Variants in ENKUR observed in about 807,000 individuals in gnomAD.
The protein encoded by ENKUR is enkurin.
Under a neutral mutation model 27.6 loss-of-function variants are expected in ENKUR, and 19 were observed. The observed-to-expected ratio is 0.69, with a 90% CI of 0.48 to 1.01. ENKUR has a LOEUF of 1.01. Ranked by LOEUF, ENKUR falls within the 50% of genes least tolerant of loss-of-function variation. The probability of loss-of-function intolerance (pLI) is 0.00; values close to 1 mark genes in which losing one functional copy is unlikely to be tolerated. For missense variants in ENKUR, 312 were observed against 310.5 expected, an observed-to-expected ratio of 1.00 and a Z score of -0.04; for synonymous variants, 117 against 96.9, an observed-to-expected ratio of 1.21 and a Z score of -1.22.
intron 2 of ENKUR, among the ~76,000 whole-genome samples, chr10:25,030,362 G>C (rs1009980236): frequency 5.9e-5 from 9 of 152,074 alleles, no homozygotes; most frequent in Non-Finnish European, 8.8e-5. Flanking sequence ...ATATTTTGCT[G>C]TGTATAGACT....
At chr10:25,017,357 A>G (rs925013335), upstream of ENKUR, among the ~76,000 whole-genome samples, 3 of 152,106 alleles carry the variant, frequency 2.0e-5, no homozygotes, top group African/African-American at 7.2e-5. Context: ...ACATTTTGGT[A>G]ATAGGATTTG....
At chr10:25,017,479 C>G (rs1366125718), upstream of ENKUR, among the ~76,000 whole-genome samples, 1 of 152,136 alleles carries the variant, frequency 6.6e-6, no homozygotes, top group Admixed American at 6.5e-5. Context: ...TTCTCACTGC[C>G]TGGTTGGCTG....
intron 2 of ENKUR, among the ~76,000 whole-genome samples, chr10:25,047,265 T>C (rs1422865301): frequency 2.0e-5 from 3 of 152,190 alleles, no homozygotes; most frequent in Non-Finnish European, 2.9e-5. Flanking sequence ...ATCAGGAGCG[T>C]GTGAGGCCAC....
chr10:24,991,894 G>A (rs1030750292), intron 3 of ENKUR, among the ~76,000 whole-genome samples: 2 of 152,140 alleles, frequency 1.3e-5, no homozygotes, highest in Non-Finnish European at 2.9e-5. Context: ...TGTAAACATC[G>A]ACCCATAGAC....
At chr10:25,042,043 T>A (rs1195900004) in intron 2 of ENKUR, among the ~76,000 whole-genome samples, 1 of 152,114 alleles carries the variant, frequency 6.6e-6, no homozygotes, top group Non-Finnish European at 1.5e-5. Flanking sequence ...TATATCAAGG[T>A]TAATTTTTCT....
chr10:25,024,861 A>G (rs201325912), intron 2 of ENKUR: 261 of 1,614,008 alleles, frequency 1.6e-4, no homozygotes, highest in Non-Finnish European at 2.2e-4. Flanking sequence ...TTATAAAAAC[A>G]GGACATTATG....
At chr10:24,986,624 G>C (rs1003554510) in intron 4 of ENKUR, among the ~76,000 whole-genome samples, 2 of 152,174 alleles carry the variant, frequency 1.3e-5, no homozygotes, top group Non-Finnish European at 2.9e-5. Flanking sequence ...CTAGTTGGGT[G>C]ATGTTTCCAT....
intron 2 of ENKUR, among the ~76,000 whole-genome samples, chr10:25,039,044 CA>C (rs1388853872): frequency 2.6e-5 from 4 of 152,284 alleles, no homozygotes; most frequent in East Asian, 3.9e-4. Flanking sequence ...GTCATTTTAG[CA>C]GAACATTGTT....
intron 2 of ENKUR, among the ~76,000 whole-genome samples, chr10:24,996,072 A>C (rs1850047322): frequency 6.6e-6 from 1 of 152,230 alleles, no homozygotes; most frequent in African/African-American, 2.4e-5. Context: ...CCTGTCAATC[A>C]GGCCTCAATA....
At position 24,983,111 on chromosome 10, in the gene ENKUR, A is replaced by C. The variant is rs571161486; in HGVS notation, c.*1259T>G. Reference sequence around the variant, plus strand: ...CAACAGAGTCACCAGACAAAAGGAGACTGGGTCCCTGAGTGACTGCATGGA... The same window carrying C: ...CAACAGAGTCACCAGACAAAAGGAGCCTGGGTCCCTGAGTGACTGCATGGA... On this transcript the variant is annotated 3_prime_UTR_variant, in exon 6 of 6. Coordinates refer to ENST00000331161, the MANE Select transcript of ENKUR (RefSeq NM_145010.4). 17 of 152,312 alleles carry C rather than the reference A, an allele frequency of 1.1e-4. No homozygotes were observed. The highest frequency in any genetic ancestry group is 3.9e-4 in the Admixed American group (6 of 15,292). The allele number at this position is 152,312 out of a possible 1,614,324, so 9.4% of individuals were successfully genotyped here.
chr10:25,039,518 T>C (rs1851039120), intron 2 of ENKUR, among the ~76,000 whole-genome samples: 1 of 152,298 alleles, frequency 6.6e-6, no homozygotes, highest in South Asian at 2.1e-4. Context: ...AGGTGGAGGT[T>C]GCAGTGAGCA....
chr10:25,055,739 G>T (rs188390188), intron 2 of ENKUR, among the ~76,000 whole-genome samples: 2 of 152,242 alleles, frequency 1.3e-5, no homozygotes, highest in African/African-American at 4.8e-5. Flanking sequence ...GTGAAGCTCC[G>T]TTGTGTATCT....
At chr10:25,045,429 G>A (rs1851111980) in intron 2 of ENKUR, among the ~76,000 whole-genome samples, 1 of 152,146 alleles carries the variant, frequency 6.6e-6, no homozygotes, top group Admixed American at 6.5e-5. Flanking sequence ...CTGTAGTAGT[G>A]AGAAAAATAA....
chr10:24,990,976 A>C (rs1397949376), intron 3 of ENKUR, among the ~76,000 whole-genome samples: 1 of 152,194 alleles, frequency 6.6e-6, no homozygotes, highest in Non-Finnish European at 1.5e-5. Flanking sequence ...GGCATGTGCC[A>C]GTAGTCCCAG....
chr10:25,015,411 A>ATATAAAT (rs761499187), intron 1 of ENKUR, among the ~76,000 whole-genome samples: 22 of 152,346 alleles, frequency 1.4e-4, no homozygotes, highest in Non-Finnish European at 2.6e-4. Context: ...TTTCATAAAA[A>ATATAAAT]TCTTGGGGGA....
At chr10:25,051,792 C>T (rs562470949) in intron 2 of ENKUR, among the ~76,000 whole-genome samples, 4 of 152,300 alleles carry the variant, frequency 2.6e-5, no homozygotes, top group African/African-American at 7.2e-5. Context: ...AGTCACCAAG[C>T]CATGGAAGCA....
intron 2 of ENKUR, chr10:25,061,002 C>T: frequency 9.6e-7 from 1 of 1,047,114 alleles, no homozygotes; most frequent in African/African-American, 1.6e-5. Context: ...GCAAGAGCCA[C>T]TGGGCCTGGC....
chr10:25,047,644 G>A (rs1475141847), intron 2 of ENKUR, among the ~76,000 whole-genome samples: 1 of 152,154 alleles, frequency 6.6e-6, no homozygotes, highest in East Asian at 1.9e-4. Context: ...GCCTGTTCTA[G>A]AACATTCTGG....
chr10:25,017,860 T>C (rs1850638730), upstream of ENKUR, among the ~76,000 whole-genome samples: 1 of 152,260 alleles, frequency 6.6e-6, no homozygotes, highest in African/African-American at 2.4e-5. Flanking sequence ...GCGGGAAACC[T>C]CCTGTATGTA....
Sources: gnomAD v4.1 joint callset for allele counts (sites outside exome capture counted in the v4.1 genomes callset) on GRCh38, gnomAD v4.1.1 for gene constraint, MANE v1.5 for transcripts, NCBI Gene and HGNC (gene_info 2026-07-23, HGNC 2026-07-21) for gene names.